The following DOCK1 variants were observed in gnomAD, a reference collection of about 807,000 sequenced individuals.
The protein encoded by DOCK1 is dedicator of cytokinesis 1.
DOCK1 carries 138 observed loss-of-function variants against 262.7 expected under a neutral mutation model. The observed-to-expected ratio is 0.53, with a 90% CI of 0.46 to 0.61. The LOEUF is 0.61. DOCK1 is among the 20% of genes least tolerant of loss of function. The pLI is 0.00. For synonymous variants in DOCK1, 866 were observed against 867.4 expected (o/e 1.00, Z 0.03); for missense variants, 1,908 against 2,370.7 (o/e 0.80, Z 4.05).
intron 21 of DOCK1, among the ~76,000 whole-genome samples, chr10:127,043,722 C>T (rs2044167037): frequency 6.6e-6 from 1 of 152,206 alleles, no homozygotes; most frequent in African/African-American, 2.4e-5. Context: ...GTGCCTGGGC[C>T]AGCTTAGCAG....
chr10:127,206,854 A>G (rs1357898904), intron 27 of DOCK1, among the ~76,000 whole-genome samples: 1 of 152,204 alleles, frequency 6.6e-6, no homozygotes, highest in Non-Finnish European at 1.5e-5. Flanking sequence ...GCTTTGCTCC[A>G]TTGGAACTTA....
intron 25 of DOCK1, among the ~76,000 whole-genome samples, chr10:127,115,818 T>C (rs373064356): frequency 1.3e-5 from 2 of 152,232 alleles, no homozygotes; most frequent in African/African-American, 4.8e-5. Context: ...ACTGGCCCCT[T>C]TCTGAATCTG....
chr10:127,290,559 T>C (rs548188157), intron 29 of DOCK1, among the ~76,000 whole-genome samples: 47 of 152,352 alleles, frequency 3.1e-4, no homozygotes, highest in African/African-American at 1.1e-3. Flanking sequence ...TGTGTCACTC[T>C]TTTATAGGTC....
intron 33 of DOCK1, among the ~76,000 whole-genome samples, chr10:127,370,755 T>C (rs941601841): frequency 3.3e-5 from 5 of 152,184 alleles, no homozygotes; most frequent in Non-Finnish European, 7.3e-5. Flanking sequence ...CTCCGTCACG[T>C]CAATTTAACA....
chr10:127,380,229 G>C (rs2065751273), intron 36 of DOCK1, 107 bp downstream of exon 36: 2 of 913,226 alleles, frequency 2.2e-6, no homozygotes. Flanking sequence ...TTATTTTGTA[G>C]AAAATTGTGA....
chr10:127,283,264 T>C (rs188932696), intron 29 of DOCK1, among the ~76,000 whole-genome samples: 1 of 152,312 alleles, frequency 6.6e-6, no homozygotes, highest in African/African-American at 2.4e-5. Flanking sequence ...CAAGCAGCAA[T>C]TGCTGGAAGT....
chr10:127,259,030 A>C (rs2059922678), intron 29 of DOCK1, among the ~76,000 whole-genome samples: 3 of 152,090 alleles, frequency 2.0e-5, no homozygotes, highest in Non-Finnish European at 2.9e-5. Context: ...AACCTCCCCG[A>C]GGGGTAAGCA....
intron 27 of DOCK1, among the ~76,000 whole-genome samples, chr10:127,216,070 G>A (rs116565330): frequency 6.6e-6 from 1 of 152,170 alleles, no homozygotes; most frequent in East Asian, 1.9e-4. Flanking sequence ...TGCCAGGACC[G>A]GGCCTTCACT....
At chr10:127,228,759 T>C (rs1341730876) in intron 27 of DOCK1, among the ~76,000 whole-genome samples, 1 of 152,250 alleles carries the variant, frequency 6.6e-6, no homozygotes, top group African/African-American at 2.4e-5. Flanking sequence ...CATATTACAT[T>C]GTCATTATGT....
chr10:126,905,679 T>G (rs2030607333), intron 1 of DOCK1, 116 bp downstream of exon 1: 1 of 148,948 alleles, frequency 6.7e-6, no homozygotes, highest in African/African-American at 2.5e-5. Flanking sequence ...GGAGAGGCGC[T>G]TCCGCCCGCG....
chr10:127,023,559 T>C (rs976496456), intron 14 of DOCK1, among the ~76,000 whole-genome samples: 17 of 150,790 alleles, frequency 1.1e-4, no homozygotes, highest in African/African-American at 3.9e-4. Flanking sequence ...TTTTTTTTTT[T>C]TGAGATGGAG....
intron 1 of DOCK1, among the ~76,000 whole-genome samples, chr10:126,955,060 C>G (rs2036620081): frequency 1.3e-5 from 2 of 152,190 alleles, no homozygotes; most frequent in Non-Finnish European, 2.9e-5. Flanking sequence ...CAGATCCTTA[C>G]CAACATTTGT....
chr10:127,194,793 G>A (rs537481153), intron 27 of DOCK1, among the ~76,000 whole-genome samples: 1 of 152,100 alleles, frequency 6.6e-6, no homozygotes. Context: ...TGATCGTTTG[G>A]CTTCCCAGCC....
intron 31 of DOCK1, 132 bp downstream of exon 31, chr10:127,343,878 A>G (rs146539897): frequency 6.1e-4 from 447 of 737,828 alleles, no homozygotes; most frequent in Non-Finnish European, 9.0e-4. Flanking sequence ...GTGGTTTTAA[A>G]TCACCAATCA....
intron 27 of DOCK1, among the ~76,000 whole-genome samples, chr10:127,172,520 G>T (rs755129862): frequency 6.6e-6 from 1 of 152,150 alleles, no homozygotes; most frequent in African/African-American, 2.4e-5. Flanking sequence ...TGGAGAAGAC[G>T]GGTGGGAAAT....
At chr10:126,984,974 C>CTTTT (rs553086410) in intron 4 of DOCK1, among the ~76,000 whole-genome samples, 504 of 85,048 alleles carry the variant, frequency 5.9e-3, no homozygotes, top group Non-Finnish European at 6.7e-3. Context: ...ATGTCCCATT[C>CTTTT]TTTTTTTTTT....
chr10:127,248,610 A>T (rs2059511683), intron 28 of DOCK1, among the ~76,000 whole-genome samples: 1 of 152,252 alleles, frequency 6.6e-6, no homozygotes, highest in African/African-American at 2.4e-5. Flanking sequence ...TAATTAGGAA[A>T]AGTATAACAG....
At chr10:127,086,361 C>T (rs1003319506) in intron 23 of DOCK1, among the ~76,000 whole-genome samples, 1 of 152,044 alleles carries the variant, frequency 6.6e-6, no homozygotes, top group Non-Finnish European at 1.5e-5. Context: ...GTCCTTATAA[C>T]ATTTTTATCT....
intron 29 of DOCK1, among the ~76,000 whole-genome samples, chr10:127,294,714 T>C (rs1268397890): frequency 6.6e-6 from 1 of 151,358 alleles, no homozygotes; most frequent in African/African-American, 2.4e-5. Flanking sequence ...AACGGCGTGA[T>C]CTCGGATCAC....
Sources: allele counts gnomAD v4.1 joint callset (sites outside exome capture counted in the v4.1 genomes callset), GRCh38; gene constraint gnomAD v4.1.1; transcripts MANE v1.5; gene names NCBI Gene and HGNC (gene_info 2026-07-23, HGNC 2026-07-21).